Variants in DYNLL1 observed in about 807,000 individuals in gnomAD.
DYNLL1 encodes the protein dynein light chain 1, cytoplasmic.
DYNLL1 carries 3 observed loss-of-function variants against 10.1 expected under a neutral mutation model. That is an observed-to-expected ratio of 0.30 (90% CI 0.14 to 0.77). The LOEUF is 0.77. DYNLL1 is among the 30% of genes least tolerant of loss of function. The pLI, the probability that DYNLL1 is intolerant of heterozygous loss-of-function variation, is 0.66. For missense variants in DYNLL1, 47 were observed against 111.7 expected (o/e 0.42, Z 2.61); for synonymous variants, 46 against 41.2 (o/e 1.12, Z -0.45).
At chr12:120,474,041 A>G (rs891769853) in intron 1 of DYNLL1, among the ~76,000 whole-genome samples, 4 of 151,968 alleles carry the variant, frequency 2.6e-5, no homozygotes, top group Non-Finnish European at 5.9e-5. Flanking sequence ...GAAAATCCCT[A>G]CTGGTGTGAC....
At chr12:120,480,966 C>T (rs752153651) in intron 1 of DYNLL1, among the ~76,000 whole-genome samples, 6 of 151,946 alleles carry the variant, frequency 3.9e-5, no homozygotes, top group South Asian at 2.1e-4. Context: ...TCACCATGTT[C>T]GCCAGGATGG....
At chr12:120,497,776 G>T in intron 2 of DYNLL1, 1 of 310,398 alleles carries the variant, frequency 3.2e-6, no homozygotes, top group Non-Finnish European at 6.0e-6. Context: ...GTCTGTCAAT[G>T]AATATTATAG....
intron 1 of DYNLL1, among the ~76,000 whole-genome samples, chr12:120,474,186 G>C (rs1878706726): frequency 6.6e-6 from 1 of 151,886 alleles, no homozygotes. Flanking sequence ...CATAGTCCCA[G>C]CTACTTGGGA....
At position 120,496,182 on chromosome 12, in the gene DYNLL1, G is replaced by C. The variant is rs1453865467; in HGVS notation, c.-41G>C. On this transcript the variant is annotated 5_prime_UTR_variant, in exon 1 of 3. Transcript: ENST00000242577. ...TGAGCTGTGCTAGCACCTCCCCCAG[G>C]AGACCGTTGCAGTCGGCCAGCCCCC... The C allele has an allele frequency of 4.8e-6, 3 of 621,798 alleles. No individual in the cohort carries two copies. The highest frequency in any genetic ancestry group is 8.4e-6 in the Non-Finnish European group (3 of 356,846). The allele number at this position is 621,798 out of a possible 1,614,324, so 38.5% of individuals were successfully genotyped here. A position where few individuals can be genotyped will look rare whatever the true frequency, so the allele number is the denominator to read the frequency against.
chr12:120,497,931 A>G, intron 2 of DYNLL1, 142 bp from the exon 3 acceptor site: 3 of 803,226 alleles, frequency 3.7e-6, no homozygotes, highest in Non-Finnish European at 5.8e-6. Context: ...GGCGGCTTGG[A>G]GCTGGGGAAC....
At chr12:120,486,852 G>T (rs1224105366) in intron 1 of DYNLL1, among the ~76,000 whole-genome samples, 1 of 152,068 alleles carries the variant, frequency 6.6e-6, no homozygotes, top group African/African-American at 2.4e-5. Flanking sequence ...CTGGTGTCCT[G>T]GCTGCCCTAC....
intron 2 of DYNLL1, chr12:120,497,172 C>T (rs1462258759): frequency 6.3e-6 from 1 of 158,178 alleles, no homozygotes; most frequent in East Asian, 1.9e-4. Context: ...GTGCGTGCCT[C>T]TAGCTTGCAA....
chr12:120,483,343 A>G (rs1047692417), intron 1 of DYNLL1, among the ~76,000 whole-genome samples: 3 of 152,046 alleles, frequency 2.0e-5, no homozygotes, highest in African/African-American at 7.3e-5. Flanking sequence ...GTATCAAAAA[A>G]AAAAAAAAAG....
upstream of DYNLL1, chr12:120,491,658 G>A (rs1403893297): frequency 6.6e-6 from 1 of 152,470 alleles, no homozygotes; most frequent in Non-Finnish European, 1.5e-5. Flanking sequence ...TGGATGAGGT[G>A]AGGAGAGCTG....
chr12:120,496,733 C>A, intron 2 of DYNLL1, 180 bp downstream of exon 2: 2 of 767,100 alleles, frequency 2.6e-6, no homozygotes, highest in South Asian at 2.0e-5. Flanking sequence ...AGACCCCCGG[C>A]GTCCGAAGTT....
At chr12:120,496,721 C>T (rs1868426175) in intron 2 of DYNLL1, 168 bp downstream of exon 2, 2 of 1,025,078 alleles carry the variant, frequency 2.0e-6, no homozygotes, top group Admixed American at 2.9e-5. Context: ...GTGGAGAAGA[C>T]CAGACCCCCG....
intron 1 of DYNLL1, among the ~76,000 whole-genome samples, chr12:120,475,003 T>G (rs76315192): frequency 0.019 from 2,833 of 152,130 alleles, 93 homozygotes; most frequent in African/African-American, 0.065. Context: ...GCAGCAGAAC[T>G]AGGAGGTTTG....
rs1565925758 is a variant in DYNLL1, at chr12:120,496,543, A to C, written c.122A>C (p.His41Pro). 6.2e-7 allele frequency: 1 copy of C among 1,614,146 alleles called. No individual in the cohort carries two copies. Among genetic ancestry groups the C allele is most frequent in the Non-Finnish European group, 8.5e-7 (1 of 1,180,024 alleles). ...KYNIEKDIAA[H>P]IKKEFDKKYN... ...AACATAGAGAAGGACATTGCGGCTC[A>C]TATCAAGAAGGTGAGGATGGGCGCG... The change falls in exon 2 of 3, where the codon CAT becomes CCT. Residue 41 changes from histidine to proline, a missense_variant. Coordinates refer to ENST00000242577, the MANE Select transcript of DYNLL1 (RefSeq NM_003746.3).
Position 120,498,168 on chromosome 12 carries a change from C to T in DYNLL1, c.228C>T (p.Phe76=). 1 of 1,614,034 alleles carries T rather than the reference C, an allele frequency of 6.2e-7. No homozygotes were observed. Among genetic ancestry groups the T allele is most frequent in the Non-Finnish European group, 8.5e-7 (1 of 1,180,026 alleles). Residue 76 remains phenylalanine (F), a synonymous_variant, in exon 3 of 3, where the codon TTC becomes TTT. Transcript: ENST00000242577. ...VTHETKHFIY[F]YLGQVAILLF... ...ATGAAACCAAACACTTCATCTACTT[C>T]TACCTGGGCCAAGTGGCCATTCTTC...
intron 1 of DYNLL1, among the ~76,000 whole-genome samples, chr12:120,487,593 C>T (rs771190298): frequency 6.6e-6 from 1 of 151,982 alleles, no homozygotes; most frequent in Non-Finnish European, 1.5e-5. Context: ...AGACTGGGCC[C>T]GGAAGAAAGA....
chr12:120,482,944 G>A (rs568163721), intron 1 of DYNLL1, among the ~76,000 whole-genome samples: 20 of 151,928 alleles, frequency 1.3e-4, no homozygotes, highest in Non-Finnish European at 2.1e-4. Flanking sequence ...GCCAGGCATC[G>A]GTGGCTCGTG....
At chr12:120,471,668 T>C (rs1043305473) in intron 1 of DYNLL1, among the ~76,000 whole-genome samples, 3 of 152,088 alleles carry the variant, frequency 2.0e-5, no homozygotes, top group African/African-American at 7.2e-5. Context: ...TGCAGTGCAG[T>C]GGCGTGATCT....
chr12:120,498,150 C>T lies in DYNLL1; in HGVS notation c.210C>T (p.Thr70=), dbSNP rs1453513150. 2 of 1,613,930 alleles carry T rather than the reference C, an allele frequency of 1.2e-6. No individual in the cohort carries two copies. Among genetic ancestry groups the T allele is most frequent in the Admixed American group, 3.3e-5 (2 of 60,010 alleles). ...TCGGTAGTTATGTGACACATGAAACCAAACACTTCATCTACTTCTACCTGG... is the reference window on the plus strand; with the variant it reads ...TCGGTAGTTATGTGACACATGAAACTAAACACTTCATCTACTTCTACCTGG... ...RNFGSYVTHE[T]KHFIYFYLGQ... The change falls in exon 3 of 3, where the codon ACC becomes ACT. Residue 70 remains threonine (T), a synonymous_variant. Transcript: ENST00000242577.
At chr12:120,477,128 C>T (rs1482454090) in intron 1 of DYNLL1, among the ~76,000 whole-genome samples, 1 of 152,066 alleles carries the variant, frequency 6.6e-6, no homozygotes, top group Non-Finnish European at 1.5e-5. Flanking sequence ...TGGGTTTCAC[C>T]ATGTTGGCCA....
Sources: allele counts gnomAD v4.1 joint callset (sites outside exome capture counted in the v4.1 genomes callset), GRCh38; gene constraint gnomAD v4.1.1; transcripts MANE v1.5; gene names NCBI Gene and HGNC (gene_info 2026-07-23, HGNC 2026-07-21).